Variants in CPNE6 observed in about 807,000 individuals in gnomAD.
CPNE6 encodes copine-6.
Under a neutral mutation model 71.5 loss-of-function variants are expected in CPNE6, and 33 were observed. The observed-to-expected ratio is 0.46, with a 90% CI of 0.35 to 0.62. The LOEUF is 0.62. Ranked by LOEUF, CPNE6 falls within the 20% of genes least tolerant of loss-of-function variation. The pLI is 0.00. For missense variants in CPNE6, 576 were observed against 747.3 expected, an observed-to-expected ratio of 0.77 and a Z score of 2.67; for synonymous variants, 296 against 293.0, an observed-to-expected ratio of 1.01 and a Z score of -0.10.
At chr14:24,071,501 G>GGGGGGCGCC in intron 1 of CPNE6, 61 bp from the exon 1 acceptor site, 1 of 1,416,704 alleles carries the variant, frequency 7.1e-7, no homozygotes, top group Non-Finnish European at 9.3e-7. Context: ...CTGGTGCTGC[G>GGGGGGCGCC]CCCCCCCCCA....
rs762605586 is a variant in CPNE6 at position 24,074,829 on chromosome 14, A to G, written c.672+34A>G. On this transcript the variant is annotated intron_variant, in intron 8 of 17. Coordinates refer to ENST00000397016, the Ensembl canonical transcript of CPNE6. This position sits in a 1 kb window ranked among gnomAD's most constrained non-coding sequence, Gnocchi z 4.5. ...CCAGCCAAGCCAGCACAGCCTACTT[A>G]GAGCAACCAATCTGCTATCTAAGAC... The G allele has an allele frequency of 1.9e-6, 3 of 1,572,626 alleles. No individual in the cohort carries two copies. The highest frequency in any genetic ancestry group is 2.6e-6 in the Non-Finnish European group (3 of 1,149,896).
rs1220895669 is a variant in CPNE6, at chr14:24,074,372, A to T, written c.498+7A>T. 6.4e-7 allele frequency: 1 copy of T among 1,551,620 alleles called. No individual in the cohort carries two copies. The highest frequency in any genetic ancestry group is 1.2e-5 in the South Asian group (1 of 80,214). ...CTACAAGCTGGACAACAAGGTTGGA[A>T]CCCCAGAGTCCAGGCCCCCAACTCC... On this transcript the variant is annotated splice_region_variant and intron_variant, in intron 6 of 17. Coordinates refer to ENST00000397016, the Ensembl canonical transcript of CPNE6. This position sits in a 1 kb window ranked among gnomAD's most constrained non-coding sequence, Gnocchi z 4.5.
In CPNE6 at chr14:24,073,111, G is replaced by A. The variant is rs971010098; in HGVS notation, c.168+7G>A. 1.4e-6 allele frequency: 2 copies of A among 1,448,338 alleles called. No homozygotes were observed. Among genetic ancestry groups the A allele is most frequent in the South Asian group, 1.5e-5 (1 of 65,678 alleles). 89.7% of individuals were successfully genotyped at this position (1,448,338 alleles called of 1,614,324 possible). On this transcript the variant is annotated splice_region_variant and intron_variant, in intron 3 of 17. Transcript: ENST00000397016. This position sits in a 1 kb window ranked among gnomAD's most constrained non-coding sequence, Gnocchi z 5.5. ...TGATGAGCAGTGGGTGGAGGTGAGA[G>A]CAGCTCAGGTTTCTCCTTAACTAAC...
Position 24,075,024 on chromosome 14 carries a change from G to T in CPNE6, c.673-148G>T. 1.4e-6 allele frequency: 1 copy of T among 735,888 alleles called. No individual in the cohort carries two copies. Among genetic ancestry groups the T allele is most frequent in the Non-Finnish European group, 2.4e-6 (1 of 419,628 alleles). 45.6% of individuals were successfully genotyped at this position (735,888 alleles called of 1,614,324 possible). ...GCCAAAGAACAAAGTTCAGCAGGTG[G>T]CCTCTCCGGGCAGGCTGAGGATGTC... On this transcript the variant is annotated intron_variant, in intron 8 of 17. Coordinates refer to ENST00000397016, the Ensembl canonical transcript of CPNE6. This position sits in a 1 kb window ranked among gnomAD's most constrained non-coding sequence, Gnocchi z 4.3.
chr14:24,071,172 A>C (rs1238630883), intron 1 of CPNE6: 10 of 1,049,908 alleles, frequency 9.5e-6, no homozygotes, highest in Non-Finnish European at 1.4e-5. Flanking sequence ...GGGGGCTGTA[A>C]CTGTCGTGGT....
rs2036098360 is a variant in CPNE6, at chr14:24,077,025, G to GCC, written c.1299+13_1299+14insCC. ...CGGCCAAGCCACGGTAGGAAGACAT[G>GCC]GCGGGCAAACAGGAGCTGTCCCATG... On this transcript the variant is annotated intron_variant, in intron 15 of 17. Transcript: ENST00000397016. This position sits in a 1 kb window ranked among gnomAD's most constrained non-coding sequence, Gnocchi z 6.1. The GCC allele has an allele frequency of 6.2e-7, 1 of 1,608,174 alleles. No homozygotes were observed. The highest frequency in any genetic ancestry group is 2.2e-5 in the East Asian group (1 of 44,876).
chr14:24,075,651 G>T lies in CPNE6; in HGVS notation c.864+60G>T. 6.8e-7 allele frequency: 1 copy of T among 1,462,956 alleles called. No homozygotes were observed. The highest frequency in any genetic ancestry group is 1.2e-5 in the South Asian group (1 of 83,912). The allele number at this position is 1,462,956 out of a possible 1,614,324, so 90.6% of individuals were successfully genotyped here. On this transcript the variant is annotated intron_variant, in intron 10 of 17. Transcript: ENST00000397016. The surrounding 1 kb of genome is among the most constrained non-coding windows in gnomAD (Gnocchi z 4.3). Reference sequence around the variant, plus strand: ...GCCCCTGCCCCTACCACACTCTCAGGTTCAACCCTTCCCTTGTTTCAAAGA... The same window carrying T: ...GCCCCTGCCCCTACCACACTCTCAGTTTCAACCCTTCCCTTGTTTCAAAGA...
In CPNE6 at chr14:24,075,567, G is replaced by A. The variant is rs765902727; in HGVS notation, c.840G>A (p.Gly280=). ...AGAAGAAGAATTACAAGAGCTCAGG[G>A]ACGGTAGTGCTGGCCCAGTGCACGG... The change falls in exon 10 of 18, where the codon GGG becomes GGA. Residue 280 remains glycine (G), a synonymous_variant. Coordinates refer to ENST00000397016, the Ensembl canonical transcript of CPNE6. This position sits in a 1 kb window ranked among gnomAD's most constrained non-coding sequence, Gnocchi z 4.3. 1.2e-6 allele frequency: 2 copies of A among 1,612,238 alleles called. No individual in the cohort carries two copies. Among genetic ancestry groups the A allele is most frequent in the African/African-American group, 1.3e-5 (1 of 74,970 alleles).
In CPNE6 at chr14:24,077,430, G is replaced by A. The variant is rs376537353; in HGVS notation, c.1536+40G>A. 1.9e-6 allele frequency: 3 copies of A among 1,592,478 alleles called. No individual in the cohort carries two copies. The highest frequency in any genetic ancestry group is 2.6e-6 in the Non-Finnish European group (3 of 1,160,716). ...CCCCTTCCGGCTGAAGGACTCCTCA[G>A]CTTCTCATCCCCCCAAATCTGACCT... On this transcript the variant is annotated intron_variant, in intron 16 of 17. Coordinates refer to ENST00000397016, the Ensembl canonical transcript of CPNE6. The surrounding 1 kb of genome is among the most constrained non-coding windows in gnomAD (Gnocchi z 6.1).
Position 24,075,919 on chromosome 14 carries a change from A to T in CPNE6, c.924+33A>T. 1 of 1,611,450 alleles carries T rather than the reference A, an allele frequency of 6.2e-7. No homozygotes were observed. The highest frequency in any genetic ancestry group is 8.5e-7 in the Non-Finnish European group (1 of 1,177,710). On this transcript the variant is annotated intron_variant, in intron 11 of 17. Transcript: ENST00000397016. This position sits in a 1 kb window ranked among gnomAD's most constrained non-coding sequence, Gnocchi z 4.3. ...CTCAGAGGGAGGGCACACAGGCAAG[A>T]GGGAGGGGCTGAGTCCATAGTGAAA...
At position 24,075,422 on chromosome 14, in the gene CPNE6, T is replaced by C. The variant is rs527555523; in HGVS notation, c.778-83T>C. The C allele has an allele frequency of 1.3e-4, 193 of 1,457,768 alleles. No individual in the cohort carries two copies. The highest frequency in any genetic ancestry group is 1.6e-4 in the Non-Finnish European group (171 of 1,046,972). 90.3% of individuals were successfully genotyped at this position (1,457,768 alleles called of 1,614,324 possible). A position where few individuals can be genotyped will look rare whatever the true frequency, so the allele number is the denominator to read the frequency against. On this transcript the variant is annotated intron_variant, in intron 9 of 17. Transcript: ENST00000397016. The surrounding 1 kb of genome is among the most constrained non-coding windows in gnomAD (Gnocchi z 4.3). ...GCTGAAGGACGGAACCATGGGGGTC[T>C]TGCTCTGGGAGGCTCTGCTGGAAGG...
intron 2 of CPNE6, 100 bp from the exon 2 acceptor site, chr14:24,072,833 A>C: frequency 5.5e-6 from 6 of 1,100,576 alleles, no homozygotes; most frequent in Non-Finnish European, 7.2e-6. Context: ...GGTCTAGGGA[A>C]GGAGGTTAAG....
In CPNE6 at chr14:24,077,292, C is replaced by A. The variant is rs1232661142; in HGVS notation, c.1438C>A (p.Arg480=). ...GGGCAATGCTGACTTCTCTGACATGCGGCTGCTGGATGGCGACGACGGCCC... is the reference window on the plus strand; with the variant it reads ...GGGCAATGCTGACTTCTCTGACATGAGGCTGCTGGATGGCGACGACGGCCC... The change falls in exon 16 of 18, where the codon CGG becomes AGG. Residue 480 remains arginine, a synonymous_variant. Transcript: ENST00000397016. The surrounding 1 kb of genome is among the most constrained non-coding windows in gnomAD (Gnocchi z 6.1). 2 of 1,613,812 alleles carry A rather than the reference C, an allele frequency of 1.2e-6. No homozygotes were observed. Among genetic ancestry groups the A allele is most frequent in the East Asian group, 2.2e-5 (1 of 44,886 alleles).
At position 24,075,332 on chromosome 14, in the gene CPNE6, G is replaced by C; in HGVS notation, c.777+56G>C. 6.6e-7 allele frequency: 1 copy of C among 1,520,666 alleles called. No individual in the cohort carries two copies. The allele number at this position is 1,520,666 out of a possible 1,614,324, so 94.2% of individuals were successfully genotyped here. A position where few individuals can be genotyped will look rare whatever the true frequency, so the allele number is the denominator to read the frequency against. The stretch of plus-strand genomic sequence containing the variant: ...ACCCAGATCCCTGGGAGAATCCTGA[G>C]GGTGATGCTGAAGAGACCACCATAG... On this transcript the variant is annotated intron_variant, in intron 9 of 17. Coordinates refer to ENST00000397016, the Ensembl canonical transcript of CPNE6. The surrounding 1 kb of genome is among the most constrained non-coding windows in gnomAD (Gnocchi z 4.3).
chr14:24,074,302 G>C lies in CPNE6; in HGVS notation c.435G>C (p.Glu145Asp). 6.3e-7 allele frequency: 1 copy of C among 1,576,918 alleles called. No individual in the cohort carries two copies. Among genetic ancestry groups the C allele is most frequent in the Non-Finnish European group, 8.6e-7 (1 of 1,159,254 alleles). ...TATCCCCCTTGCAGATCGTGGCCGAGGAGGTATCAGGCACAAACGACTATG... is the reference window on the plus strand; with the variant it reads ...TATCCCCCTTGCAGATCGTGGCCGACGAGGTATCAGGCACAAACGACTATG... The change falls in exon 6 of 18, where the codon GAG becomes GAC. Residue 145 changes from glutamate (E) to aspartate (D), a missense_variant. Transcript: ENST00000397016. This position sits in a 1 kb window ranked among gnomAD's most constrained non-coding sequence, Gnocchi z 4.5.
At position 24,074,959 on chromosome 14, in the gene CPNE6, G is replaced by A. The variant is rs1343058012; in HGVS notation, c.672+164G>A. On this transcript the variant is annotated intron_variant, in intron 8 of 17. Transcript: ENST00000397016. The surrounding 1 kb of genome is among the most constrained non-coding windows in gnomAD (Gnocchi z 4.5). The stretch of plus-strand genomic sequence containing the variant: ...CAGCTCAATGTTAAACTTCCCACAT[G>A]TGTGCATTTTATCAGTGGCCAAAGT... 6.6e-6 allele frequency among the ~76,000 whole-genome samples: 1 copy of A among 152,180 alleles called. No individual in the cohort carries two copies. Among genetic ancestry groups the A allele is most frequent in the African/African-American group, 2.4e-5 (1 of 41,436 alleles).
At position 24,076,007 on chromosome 14, in the gene CPNE6, C is replaced by T. The variant is rs1317781925; in HGVS notation, c.924+121C>T. The T allele has an allele frequency of 2.7e-6, 4 of 1,492,068 alleles. No individual in the cohort carries two copies. In the African/African-American group the frequency reaches 4.1e-5, roughly 15 times the overall value. The allele number at this position is 1,492,068 out of a possible 1,614,324, so 92.4% of individuals were successfully genotyped here. A position where few individuals can be genotyped will look rare whatever the true frequency, so the allele number is the denominator to read the frequency against. ...TGCTCATGAGCCTTCGCATTGTCAG[C>T]TTATGCACCCCCACATCATTATGTG... On this transcript the variant is annotated intron_variant, in intron 11 of 17. Transcript: ENST00000397016.
In CPNE6 at chr14:24,075,737, C is replaced by T. The variant is rs1168367136; in HGVS notation, c.865-90C>T. The T allele has an allele frequency of 2.8e-6, 4 of 1,413,754 alleles. No individual in the cohort carries two copies. The highest frequency in any genetic ancestry group is 3.0e-6 in the Non-Finnish European group (3 of 1,007,224). 87.6% of individuals were successfully genotyped at this position (1,413,754 alleles called of 1,614,324 possible). On this transcript the variant is annotated intron_variant, in intron 10 of 17. Transcript: ENST00000397016. This position sits in a 1 kb window ranked among gnomAD's most constrained non-coding sequence, Gnocchi z 4.3. The stretch of plus-strand genomic sequence containing the variant: ...CCAACTGCAACCCAAAAAACTCTGG[C>T]TCCCCCATGTTCCCCACAGAAGCCC...
intron 1 of CPNE6, chr14:24,071,235 C>T (rs2035886122): frequency 9.5e-7 from 1 of 1,052,200 alleles, no homozygotes; most frequent in Admixed American, 2.7e-5. Flanking sequence ...ATGTGTGAGC[C>T]TGTGAGTCGT....
Sources: gnomAD v4.1 joint callset for allele counts (sites outside exome capture counted in the v4.1 genomes callset) on GRCh38, gnomAD v4.1.1 for gene constraint, Gnocchi (gnomAD v3.1) non-coding constraint, MANE v1.5 for transcripts, NCBI Gene and HGNC (gene_info 2026-07-23, HGNC 2026-07-21) for gene names.